The following AGAP1 variants were observed in gnomAD, a reference collection of about 807,000 sequenced individuals.
The protein encoded by AGAP1 is arf-GAP with GTPase, ANK repeat and PH domain-containing protein 1.
In AGAP1, 29 loss-of-function variants were observed where a neutral mutation model predicts 105.3. That is an observed-to-expected ratio of 0.28 (90% CI 0.21 to 0.38). The LOEUF (loss-of-function observed/expected upper bound fraction) is 0.38. Ranked by LOEUF, AGAP1 falls within the 10% of genes least tolerant of loss-of-function variation. AGAP1 has a pLI of 1.00. For missense variants in AGAP1, 998 were observed against 1,165.1 expected, an observed-to-expected ratio of 0.86 and a Z score of 2.09; for synonymous variants, 509 against 485.9, an observed-to-expected ratio of 1.05 and a Z score of -0.63.
Position 235,777,239 on chromosome 2 carries a change from AC to A in AGAP1, c.674-20519del, listed in dbSNP as rs1387936890. 6.6e-6 allele frequency among the ~76,000 whole-genome samples: 1 copy of A among 151,998 alleles called. No homozygotes were observed. Among genetic ancestry groups the A allele is most frequent in the Non-Finnish European group, 1.5e-5 (1 of 68,014 alleles). ...CAGGCGTGCGCCTGTAATCCCAGCT[AC>A]TCGGGAGTCTGAGGCAGGAGAATCA... On this transcript the variant is annotated intron_variant, in intron 6 of 17. Transcript: ENST00000304032. This position sits in a 1 kb window ranked among gnomAD's most constrained non-coding sequence, Gnocchi z 5.1.
Position 235,566,744 on chromosome 2 carries a change from T to A in AGAP1, c.163+71895T>A. 2.3e-6 allele frequency: 1 copy of A among 429,686 alleles called. No homozygotes were observed. Among genetic ancestry groups the A allele is most frequent in the African/African-American group, 2.2e-5 (1 of 46,488 alleles). 26.6% of individuals were successfully genotyped at this position (429,686 alleles called of 1,614,324 possible). The stretch of plus-strand genomic sequence containing the variant: ...TGTTGGGGTTAACATGAGTGGACCC[T>A]AGATTTCCCTGCCTGAAGGGGGCCC... On this transcript the variant is annotated intron_variant, in intron 1 of 17. Transcript: ENST00000304032. This position sits in a 1 kb window ranked among gnomAD's most constrained non-coding sequence, Gnocchi z 5.2.
chr2:235,923,793 A>G (rs1293573999), intron 11 of AGAP1, among the ~76,000 whole-genome samples: 1 of 152,180 alleles, frequency 6.6e-6, no homozygotes, highest in African/African-American at 2.4e-5. Flanking sequence ...TGAACATTCT[A>G]GCACCTACTT....
chr2:235,726,905 C>T (rs1951675546), intron 3 of AGAP1, among the ~76,000 whole-genome samples: 1 of 152,184 alleles, frequency 6.6e-6, no homozygotes, highest in Admixed American at 6.5e-5. Flanking sequence ...TCCTGATGCA[C>T]TGAAGTTCTT....
At position 236,120,245 on chromosome 2, in the gene AGAP1, C is replaced by T. The variant is rs777643653; in HGVS notation, c.2168C>T (p.Ala723Val). The T allele has an allele frequency of 1.2e-6, 2 of 1,613,334 alleles. No homozygotes were observed. The highest frequency in any genetic ancestry group is 2.2e-5 in the South Asian group (2 of 91,020). Residue 723 changes from alanine to valine, a missense_variant, in exon 17 of 18, where the codon GCC (alanine) becomes GTC (valine). Physicochemically the swap from Ala to Val is moderately conservative, Grantham distance 64. Coordinates refer to ENST00000304032, the MANE Select transcript of AGAP1 (RefSeq NM_001037131.3). This position sits in a 1 kb window ranked among gnomAD's most constrained non-coding sequence, Gnocchi z 6.0. ...AAGTACGAGCAGAAGCTCTTCCTGG[C>T]CCCGCTGCCCTGCACGGAGCTGTCC... is the stretch of plus-strand genomic sequence containing the variant. ...RAKYEQKLFL[A>V]PLPCTELSLG...
At chr2:235,955,711 A>T (rs1316438004) in intron 12 of AGAP1, among the ~76,000 whole-genome samples, 1 of 152,190 alleles carries the variant, frequency 6.6e-6, no homozygotes, top group Non-Finnish European at 1.5e-5. Flanking sequence ...GCTTCTGCAT[A>T]TCAGGTTTTC....
chr2:235,556,692 G>T lies in AGAP1; in HGVS notation c.163+61843G>T, dbSNP rs1219730756. 1.3e-5 allele frequency among the ~76,000 whole-genome samples: 2 copies of T among 152,212 alleles called. No individual in the cohort carries two copies. The highest frequency in any genetic ancestry group is 6.5e-5 in the Admixed American group (1 of 15,272). ...TGTAAATTAACACAAATGAATGTAA[G>T]ATAGTTATATGTGTCTACTGCCTTA... is the stretch of plus-strand genomic sequence containing the variant. On this transcript the variant is annotated intron_variant, in intron 1 of 17. Coordinates refer to ENST00000304032, the MANE Select transcript of AGAP1 (RefSeq NM_001037131.3). The surrounding 1 kb of genome is among the most constrained non-coding windows in gnomAD (Gnocchi z 5.3).
At chr2:235,770,968 G>A (rs562910266) in intron 6 of AGAP1, among the ~76,000 whole-genome samples, 3 of 152,326 alleles carry the variant, frequency 2.0e-5, no homozygotes, top group South Asian at 2.1e-4. Context: ...GAAAGCAATT[G>A]CATGTATCCT....
In AGAP1 at chr2:236,124,433, A is replaced by C; in HGVS notation, c.*311A>C. On this transcript the variant is annotated 3_prime_UTR_variant, in exon 18 of 18. Transcript: ENST00000304032. This position sits in a 1 kb window ranked among gnomAD's most constrained non-coding sequence, Gnocchi z 5.1. ...GGCGCAGGACCCTTGTCCTGGTGGC[A>C]CAAGGGATGGGGACGCGAGGGGGAG... 1 of 374,658 alleles carries C rather than the reference A, an allele frequency of 2.7e-6. No individual in the cohort carries two copies. Among genetic ancestry groups the C allele is most frequent in the Non-Finnish European group, 4.9e-6 (1 of 203,342 alleles). 23.2% of individuals were successfully genotyped at this position (374,658 alleles called of 1,614,324 possible). A position where few individuals can be genotyped will look rare whatever the true frequency, so the allele number is the denominator to read the frequency against.
intron 1 of AGAP1, among the ~76,000 whole-genome samples, chr2:235,500,190 A>G (rs183337790): frequency 1.3e-4 from 20 of 152,114 alleles, no homozygotes; most frequent in Middle Eastern, 6.8e-3. Flanking sequence ...TGTTGGGTGT[A>G]AGTGAATTTC....
In AGAP1 at chr2:235,535,723, G is replaced by A. The variant is rs1338094765; in HGVS notation, c.163+40874G>A. Among the ~76,000 whole-genome samples the A allele has an allele frequency of 1.3e-5, 2 of 151,972 alleles. No individual in the cohort carries two copies. Among genetic ancestry groups the A allele is most frequent in the African/African-American group, 4.8e-5 (2 of 41,350 alleles). Reference sequence around the variant, plus strand: ...TTTTCTATAGAAAAGCCTTTCTGCCGCCTTTCACAAAACTTGTATTTTCAT... The same window carrying A: ...TTTTCTATAGAAAAGCCTTTCTGCCACCTTTCACAAAACTTGTATTTTCAT... On this transcript the variant is annotated intron_variant, in intron 1 of 17. Coordinates refer to ENST00000304032, the MANE Select transcript of AGAP1 (RefSeq NM_001037131.3). The surrounding 1 kb of genome is among the most constrained non-coding windows in gnomAD (Gnocchi z 5.1).
chr2:235,713,303 G>C (rs770716394), intron 2 of AGAP1, among the ~76,000 whole-genome samples: 3 of 152,204 alleles, frequency 2.0e-5, no homozygotes, highest in Non-Finnish European at 4.4e-5. Context: ...GAAATTCTCC[G>C]ATTATAGAGG....
At chr2:236,037,722 T>C (rs1219164265) in intron 14 of AGAP1, among the ~76,000 whole-genome samples, 2 of 152,246 alleles carry the variant, frequency 1.3e-5, no homozygotes, top group Non-Finnish European at 2.9e-5. Context: ...CTGTGTTCTC[T>C]AGGCTACTGC....
intron 16 of AGAP1, among the ~76,000 whole-genome samples, chr2:236,060,866 T>A (rs1466965962): frequency 6.6e-6 from 1 of 152,046 alleles, no homozygotes; most frequent in Non-Finnish European, 1.5e-5. Context: ...TCTCAAGACC[T>A]GCCTGATCAA....
intron 13 of AGAP1, among the ~76,000 whole-genome samples, chr2:236,026,207 G>A (rs963262738): frequency 6.6e-6 from 1 of 152,202 alleles, no homozygotes; most frequent in Non-Finnish European, 1.5e-5. Flanking sequence ...TGAAACCCTG[G>A]AAGACACTTG....
At position 235,716,982 on chromosome 2, in the gene AGAP1, G is replaced by T. The variant is rs1951141805; in HGVS notation, c.223-575G>T. Among the ~76,000 whole-genome samples, 1 of 152,024 alleles carries T rather than the reference G, an allele frequency of 6.6e-6. No homozygotes were observed. The highest frequency in any genetic ancestry group is 1.5e-5 in the Non-Finnish European group (1 of 68,004). ...CCTTTTTCTCGGAGATGCCTTGGTG[G>T]GTCCTGTGTCTGGGAGGCAGGTGTG... On this transcript the variant is annotated intron_variant, in intron 2 of 17. Transcript: ENST00000304032. This position sits in a 1 kb window ranked among gnomAD's most constrained non-coding sequence, Gnocchi z 4.0.
intron 16 of AGAP1, 58 bp downstream of exon 16, chr2:236,049,339 G>A: frequency 2.0e-6 from 3 of 1,514,616 alleles, no homozygotes; most frequent in Non-Finnish European, 1.8e-6. Flanking sequence ...TAGGCAACTG[G>A]AAGTGATCAT....
At chr2:236,032,425 G>T (rs2057251584) in intron 13 of AGAP1, among the ~76,000 whole-genome samples, 1 of 152,158 alleles carries the variant, frequency 6.6e-6, no homozygotes, top group Admixed American at 6.5e-5. Context: ...GACTAAGGGG[G>T]AAAATATTGC....
rs1219083658 is a variant in AGAP1 at position 235,557,822 on chromosome 2, G to A, written c.163+62973G>A. Among the ~76,000 whole-genome samples, 1 of 152,214 alleles carries A rather than the reference G, an allele frequency of 6.6e-6. No individual in the cohort carries two copies. Among genetic ancestry groups the A allele is most frequent in the Non-Finnish European group, 1.5e-5 (1 of 68,048 alleles). On this transcript the variant is annotated intron_variant, in intron 1 of 17. Coordinates refer to ENST00000304032, the MANE Select transcript of AGAP1 (RefSeq NM_001037131.3). This position sits in a 1 kb window ranked among gnomAD's most constrained non-coding sequence, Gnocchi z 4.7. ...AACGGACTTGGCTACATTTCGACAAGGGGAAGTTAGACACTTTAGATTCAC... is the reference window on the plus strand; with the variant it reads ...AACGGACTTGGCTACATTTCGACAAAGGGAAGTTAGACACTTTAGATTCAC...
rs536455392 is a variant in AGAP1, at chr2:236,002,435, G to C, written c.1645+33812G>C. ...ATTGCACGCATGTGCACATGTGTGA[G>C]TAGGGGAGAGGCTGTGTGTTTTCAT... On this transcript the variant is annotated intron_variant, in intron 13 of 17. Transcript: ENST00000304032. The surrounding 1 kb of genome is among the most constrained non-coding windows in gnomAD (Gnocchi z 4.3). 6.6e-6 allele frequency among the ~76,000 whole-genome samples: 1 copy of C among 152,338 alleles called. No individual in the cohort carries two copies. The highest frequency in any genetic ancestry group is 2.4e-5 in the African/African-American group (1 of 41,574).
Sources: allele counts gnomAD v4.1 joint callset (sites outside exome capture counted in the v4.1 genomes callset), GRCh38; gene constraint gnomAD v4.1.1; non-coding constraint Gnocchi (gnomAD v3.1); transcripts MANE v1.5; gene names NCBI Gene and HGNC (gene_info 2026-07-23, HGNC 2026-07-21).